Variants in PHTF1 observed in about 807,000 individuals in gnomAD.
PHTF1 encodes the protein protein PHTF1.
Under a neutral mutation model 102.4 loss-of-function variants are expected in PHTF1, and 88 were observed. The ratio of observed to expected loss-of-function variants is 0.86; its 90% confidence interval spans 0.72 to 1.03. PHTF1 has a LOEUF of 1.03. PHTF1 is among the 50% of genes least tolerant of loss of function. The pLI, the probability that PHTF1 is intolerant of heterozygous loss-of-function variation, is 0.00. For missense variants in PHTF1, 814 were observed against 909.5 expected, an observed-to-expected ratio of 0.89 and a Z score of 1.35; for synonymous variants, 289 against 305.2, an observed-to-expected ratio of 0.95 and a Z score of 0.55.
intron 7 of PHTF1, 88 bp downstream of exon 7, chr1:113,724,671 G>A: frequency 2.0e-6 from 2 of 998,326 alleles, no homozygotes; most frequent in Non-Finnish European, 2.9e-6. Flanking sequence ...ACCAAGATAA[G>A]TCTATACTAC....
chr1:113,753,196 C>A (rs1455750571), intron 3 of PHTF1, among the ~76,000 whole-genome samples: 1 of 152,186 alleles, frequency 6.6e-6, no homozygotes, highest in Non-Finnish European at 1.5e-5. Context: ...GATTTTCACA[C>A]ATACATTCAT....
intron 5 of PHTF1, among the ~76,000 whole-genome samples, chr1:113,733,060 ATTTT>A (rs386368123): frequency 2.4e-5 from 2 of 84,164 alleles, no homozygotes; most frequent in African/African-American, 1.0e-4. Context: ...CGCCTGGCTA[ATTTT>A]TTTTTTTTTT....
In PHTF1 at chr1:113,697,617, G is replaced by A. The variant is rs1375128089; in HGVS notation, c.*88C>T. On this transcript the variant is annotated 3_prime_UTR_variant, in exon 19 of 19. Transcript: ENST00000369604. ...CACCTGTGCATGTGAACAAGCAGGT[G>A]GGTATCTCACTGGTTTCTGCAGTCA... is the stretch of plus-strand genomic sequence containing the variant. 3 of 888,630 alleles carry A rather than the reference G, an allele frequency of 3.4e-6. No homozygotes were observed. The African/African-American group carries it at 5.0e-5, about 15-fold the overall frequency. The allele number at this position is 888,630 out of a possible 1,614,324, so 55.0% of individuals were successfully genotyped here.
Position 113,744,965 on chromosome 1 carries a change from A to G in PHTF1, c.103-6166T>C, listed in dbSNP as rs1262630066. Among the ~76,000 whole-genome samples the G allele has an allele frequency of 4.1e-5, 4 of 96,974 alleles. No individual in the cohort carries two copies. In the East Asian group the frequency reaches 1.3e-3, roughly 32 times the overall value. The allele number at this position is 96,974 out of a possible 152,430, so 63.6% of individuals were successfully genotyped here. ...CTCTGTCTCGAAAGAAGGGAATGGA[A>G]GGGAAGGGGAGGGGAGTTGGGGAGG... On this transcript the variant is annotated intron_variant, in intron 3 of 18. Coordinates refer to ENST00000369604, the MANE Select transcript of PHTF1 (RefSeq NM_001323043.2).
Position 113,724,908 on chromosome 1 carries a change from T to G in PHTF1, c.489-15A>C, listed in dbSNP as rs1239149754. On this transcript the variant is annotated splice_polypyrimidine_tract_variant and intron_variant, in intron 6 of 18. Transcript: ENST00000369604. Reference sequence around the variant, plus strand: ...TTCGTAATTTTCTACAAAAAAAAATTTCAATAACTTCAGATTATTCAAGAC... The same window carrying G: ...TTCGTAATTTTCTACAAAAAAAAATGTCAATAACTTCAGATTATTCAAGAC... The G allele has an allele frequency of 1.9e-6, 3 of 1,572,470 alleles. No individual in the cohort carries two copies. Among genetic ancestry groups the G allele is most frequent in the Non-Finnish European group, 2.6e-6 (3 of 1,157,478 alleles).
At chr1:113,739,416 C>T (rs1656003472) in intron 3 of PHTF1, among the ~76,000 whole-genome samples, 1 of 152,296 alleles carries the variant, frequency 6.6e-6, no homozygotes, top group Admixed American at 6.5e-5. Context: ...TTTCACTCCT[C>T]AAAAACAAAT....
At chr1:113,721,144 GATCATTC>G (rs1652870774) in intron 7 of PHTF1, among the ~76,000 whole-genome samples, 2 of 152,052 alleles carry the variant, frequency 1.3e-5, no homozygotes, top group Non-Finnish European at 2.9e-5. Flanking sequence ...TAAATAAAAA[GATCATTC>G]ATCACGACCA....
At chr1:113,738,891 G>A in intron 3 of PHTF1, 92 bp from the exon 4 acceptor site, 1 of 878,238 alleles carries the variant, frequency 1.1e-6, no homozygotes. Flanking sequence ...CGCTCTTGTA[G>A]CCCAGGCTGG....
intron 5 of PHTF1, among the ~76,000 whole-genome samples, chr1:113,733,101 C>T (rs1031938296): frequency 2.4e-4 from 27 of 111,552 alleles, no homozygotes; most frequent in Non-Finnish European, 4.5e-4. Context: ...GATGGGATCT[C>T]GCTATGTTTC....
intron 3 of PHTF1, among the ~76,000 whole-genome samples, chr1:113,744,593 T>C (rs79490348): frequency 0.01 from 1,590 of 152,156 alleles, 20 homozygotes; most frequent in African/African-American, 0.026. Context: ...CAAAGAAAAA[T>C]AGTATCTAAC....
At chr1:113,734,341 A>C (rs1023165731) in intron 5 of PHTF1, among the ~76,000 whole-genome samples, 2 of 152,254 alleles carry the variant, frequency 1.3e-5, no homozygotes, top group Non-Finnish European at 2.9e-5. Context: ...TTCTTAAAGA[A>C]TACCTAAGTA....
intron 3 of PHTF1, among the ~76,000 whole-genome samples, chr1:113,746,601 A>G (rs1438382690): frequency 6.6e-6 from 1 of 152,214 alleles, no homozygotes; most frequent in Non-Finnish European, 1.5e-5. Flanking sequence ...CCTAAATGCT[A>G]AGGAGATTTG....
chr1:113,739,938 T>A (rs751707751), intron 3 of PHTF1, among the ~76,000 whole-genome samples: 7 of 152,234 alleles, frequency 4.6e-5, no homozygotes, highest in African/African-American at 7.2e-5. Context: ...TAAATAGTAT[T>A]CCACTGTGTA....
chr1:113,735,800 T>C (rs144933243), intron 5 of PHTF1, among the ~76,000 whole-genome samples: 436 of 152,286 alleles, frequency 2.9e-3, no homozygotes, highest in Middle Eastern at 0.01. Flanking sequence ...CTGACACAAA[T>C]AGAAGAACCC....
intron 3 of PHTF1, among the ~76,000 whole-genome samples, chr1:113,744,919 A>G (rs1480941610): frequency 2.8e-5 from 4 of 143,374 alleles, no homozygotes; most frequent in African/African-American, 1.0e-4. Flanking sequence ...ACTGCACTCT[A>G]GCCTGGGTGA....
chr1:113,727,283 A>G (rs925846425), intron 5 of PHTF1, among the ~76,000 whole-genome samples: 29 of 152,182 alleles, frequency 1.9e-4, no homozygotes, highest in Non-Finnish European at 3.8e-4. Context: ...CAGACAATAA[A>G]CTATAGATCT....
At chr1:113,705,804 A>AAG (rs1557906631) in intron 13 of PHTF1, 86 bp downstream of exon 13, 4 of 990,410 alleles carry the variant, frequency 4.0e-6, no homozygotes, top group Non-Finnish European at 6.1e-6. Context: ...CAACTTGAAG[A>AAG]GAGACCAAAT....
At chr1:113,747,308 C>T (rs1657400565) in intron 3 of PHTF1, among the ~76,000 whole-genome samples, 1 of 152,052 alleles carries the variant, frequency 6.6e-6, no homozygotes, top group Admixed American at 6.5e-5. Context: ...ACTGTAATTG[C>T]CTCATTTTTT....
chr1:113,727,663 T>C (rs1200480224), intron 5 of PHTF1, among the ~76,000 whole-genome samples: 1 of 152,138 alleles, frequency 6.6e-6, no homozygotes, highest in Admixed American at 6.6e-5. Flanking sequence ...TTGACAGTTA[T>C]GTAATAAAGA....
Sources: allele counts gnomAD v4.1 joint callset (sites outside exome capture counted in the v4.1 genomes callset), GRCh38; gene constraint gnomAD v4.1.1; transcripts MANE v1.5; gene names NCBI Gene and HGNC (gene_info 2026-07-23, HGNC 2026-07-21).